The following TRAPPC12 variants were observed in gnomAD, a reference collection of about 807,000 sequenced individuals.
TRAPPC12 encodes trafficking protein particle complex subunit 12.
Under a neutral mutation model 69.2 loss-of-function variants are expected in TRAPPC12, and 61 were observed. The ratio of observed to expected loss-of-function variants is 0.88; its 90% CI spans 0.72 to 1.09. The LOEUF (loss-of-function observed/expected upper bound fraction) is 1.09, where lower values mean the gene tolerates loss of function less well. Among genes scored for constraint, TRAPPC12 ranks in the 50% least tolerant of loss-of-function variants. The probability of loss-of-function intolerance (pLI) is 0.00; values close to 1 mark genes in which losing one functional copy is unlikely to be tolerated. For synonymous variants in TRAPPC12, 469 were observed against 438.9 expected (o/e 1.07, Z -0.86); for missense variants, 1,101 against 1,016.4 (o/e 1.08, Z -1.13).
intron 3 of TRAPPC12, among the ~76,000 whole-genome samples, chr2:3,413,793 A>G (rs1166507267): frequency 6.6e-6 from 1 of 152,204 alleles, no homozygotes; most frequent in Non-Finnish European, 1.5e-5. Flanking sequence ...TGAAGCAGCT[A>G]ACCTGCCTGA....
At chr2:3,424,988 C>G (rs941458794) in intron 5 of TRAPPC12, among the ~76,000 whole-genome samples, 5 of 152,216 alleles carry the variant, frequency 3.3e-5, no homozygotes, top group African/African-American at 1.2e-4. Context: ...CGTCCCATAT[C>G]GGGACCTGGC....
chr2:3,425,545 C>T (rs1184039845), intron 5 of TRAPPC12, among the ~76,000 whole-genome samples: 1 of 152,112 alleles, frequency 6.6e-6, no homozygotes, highest in Non-Finnish European at 1.5e-5. Context: ...AATGATGTCA[C>T]GTGTAAGTTG....
At chr2:3,439,472 C>G (rs1209112703) in intron 5 of TRAPPC12, among the ~76,000 whole-genome samples, 2 of 151,746 alleles carry the variant, frequency 1.3e-5, no homozygotes, top group Non-Finnish European at 2.9e-5. Context: ...TTTGTAGAAA[C>G]AAAAAAAAGC....
At chr2:3,407,557 AG>A (rs1244225676) in intron 3 of TRAPPC12, among the ~76,000 whole-genome samples, 2 of 152,058 alleles carry the variant, frequency 1.3e-5, no homozygotes, top group Non-Finnish European at 2.9e-5. Context: ...AAAATAGAGG[AG>A]GGGGGAGGCC....
intron 8 of TRAPPC12, among the ~76,000 whole-genome samples, chr2:3,463,312 G>A (rs1312583987): frequency 6.6e-6 from 1 of 151,836 alleles, no homozygotes; most frequent in Non-Finnish European, 1.5e-5. Flanking sequence ...ACTGCAGCCC[G>A]GACACACAGA....
intron 6 of TRAPPC12, among the ~76,000 whole-genome samples, chr2:3,448,561 A>AG (rs1399297980): frequency 6.6e-6 from 1 of 151,868 alleles, no homozygotes; most frequent in Non-Finnish European, 1.5e-5. Context: ...GCCGTTTTCC[A>AG]TTAGCTCCTC....
At chr2:3,478,782 T>A in intron 10 of TRAPPC12, 64 bp from the exon 11 acceptor site, 1 of 1,433,254 alleles carries the variant, frequency 7.0e-7, no homozygotes, top group South Asian at 1.2e-5. Flanking sequence ...CCCCTGTGGG[T>A]TGTGTTGGGG....
intron 6 of TRAPPC12, chr2:3,449,439 C>G (rs745785381): frequency 7.2e-5 from 11 of 152,418 alleles, no homozygotes; most frequent in Non-Finnish European, 1.5e-4. Flanking sequence ...CATCCAAGTG[C>G]TTCTTTACAG....
intron 6 of TRAPPC12, 44 bp downstream of exon 6, chr2:3,443,935 C>T (rs768098787): frequency 5.0e-6 from 7 of 1,403,054 alleles, no homozygotes; most frequent in South Asian, 2.4e-5. Context: ...GAGAACATGC[C>T]CTCCACGCCC....
intron 3 of TRAPPC12, among the ~76,000 whole-genome samples, chr2:3,411,536 A>G (rs1572116222): frequency 6.6e-6 from 1 of 152,258 alleles, no homozygotes; most frequent in African/African-American, 2.4e-5. Context: ...ATGTGTGTGC[A>G]TATCTATACT....
chr2:3,472,828 G>T (rs1198477980), intron 9 of TRAPPC12, among the ~76,000 whole-genome samples: 1 of 152,110 alleles, frequency 6.6e-6, no homozygotes, highest in African/African-American at 2.4e-5. Flanking sequence ...CTGACTTCAC[G>T]GAGGACAGGT....
chr2:3,446,929 T>G (rs541331913), intron 6 of TRAPPC12, among the ~76,000 whole-genome samples: 21 of 152,248 alleles, frequency 1.4e-4, no homozygotes, highest in Non-Finnish European at 2.6e-4. Flanking sequence ...ACAGTTTGTG[T>G]TCATGCTAGA....
intron 9 of TRAPPC12, chr2:3,465,905 A>C: frequency 3.4e-6 from 2 of 582,370 alleles, no homozygotes; most frequent in South Asian, 2.0e-5. Flanking sequence ...CCTGTTGCTA[A>C]ATGTGAACCC....
chr2:3,443,802 C>T lies in TRAPPC12; in HGVS notation c.1441C>T (p.Arg481Cys). Residue 481 changes from arginine (R) to cysteine (C), a missense_variant, in exon 6 of 12, where the codon CGC (arginine) becomes TGC (cysteine). Coordinates refer to ENST00000324266, the MANE Select transcript of TRAPPC12 (RefSeq NM_016030.6). ...AGGCTCCATGGTCCCCTTCTCGATGCGCATCTTGCACGCGGAGCTTCAGCA... is the reference window on the plus strand; with the variant it reads ...AGGCTCCATGGTCCCCTTCTCGATGTGCATCTTGCACGCGGAGCTTCAGCA... ...RRGSMVPFSM[R>C]ILHAELQQYL... 6.8e-6 allele frequency: 11 copies of T among 1,614,106 alleles called. No homozygotes were observed. Among genetic ancestry groups the T allele is most frequent in the Non-Finnish European group, 9.3e-6 (11 of 1,180,022 alleles).
chr2:3,458,004 C>A, intron 7 of TRAPPC12: 1 of 1,205,962 alleles, frequency 8.3e-7, no homozygotes, highest in Non-Finnish European at 1.0e-6. Flanking sequence ...GAGCCCAGCC[C>A]AGCCGAAGGG....
In TRAPPC12 at chr2:3,415,394, C is replaced by G. The variant is rs934829236; in HGVS notation, c.1165-6487C>G. Among the ~76,000 whole-genome samples, 14 of 147,778 alleles carry G rather than the reference C, an allele frequency of 9.5e-5. No homozygotes were observed. In the South Asian group the frequency reaches 2.7e-3, roughly 28 times the overall value. ...CATTCAGTAGGTTAGATGGTGCATT[C>G]ACTTCTTTTCTTTTCTTTTCTTTTC... On this transcript the variant is annotated intron_variant, in intron 3 of 11. Coordinates refer to ENST00000324266, the MANE Select transcript of TRAPPC12 (RefSeq NM_016030.6).
Position 3,422,954 on chromosome 2 carries a change from C to T in TRAPPC12, c.1278+960C>T, listed in dbSNP as rs59182777. On this transcript the variant is annotated intron_variant, in intron 4 of 11. Transcript: ENST00000324266. ...ATCATCTCACTTTCCTGCTGGAAAA[C>T]TGTGCCCGGCGCAGTGGCGCATTGA... is the stretch of plus-strand genomic sequence containing the variant. 3.9e-3 allele frequency among the ~76,000 whole-genome samples: 591 copies of T among 152,392 alleles called. 4 individuals are homozygous for T. The highest frequency in any genetic ancestry group is 0.012 in the African/African-American group (509 of 41,596).
intron 3 of TRAPPC12, among the ~76,000 whole-genome samples, chr2:3,412,478 T>C (rs1202198568): frequency 1.3e-5 from 2 of 152,166 alleles, no homozygotes; most frequent in Non-Finnish European, 2.9e-5. Context: ...GGCGAATTGC[T>C]TGAACCCAGG....
intron 3 of TRAPPC12, 38 bp from the exon 4 acceptor site, chr2:3,421,843 C>T (rs370227985): frequency 6.4e-7 from 1 of 1,569,116 alleles, no homozygotes; most frequent in Admixed American, 1.7e-5. Context: ...CCATGCCTTG[C>T]ATGTGTGTTT....
Sources: gnomAD v4.1 joint callset for allele counts (sites outside exome capture counted in the v4.1 genomes callset) on GRCh38, gnomAD v4.1.1 for gene constraint, MANE v1.5 for transcripts, NCBI Gene and HGNC (gene_info 2026-07-23, HGNC 2026-07-21) for gene names.